THAP12: variants seen among roughly 807,000 people sequenced by gnomAD.
THAP12 encodes THAP domain containing 12.
THAP12 carries 20 observed loss-of-function variants against 63.0 expected under a neutral mutation model. That is an observed-to-expected ratio of 0.32 (90% CI 0.22 to 0.46). The LOEUF is 0.46. Ranked by LOEUF, THAP12 falls within the 20% of genes least tolerant of loss-of-function variation. THAP12 has a pLI of 1.00. For missense variants in THAP12, 568 were observed against 908.2 expected, an observed-to-expected ratio of 0.63 and a Z score of 4.81; for synonymous variants, 264 against 328.4, an observed-to-expected ratio of 0.80 and a Z score of 2.12.
intron 1 of THAP12, 40 bp from the exon 2 acceptor site, chr11:76,366,012 A>T (rs1043588483): frequency 2.6e-5 from 42 of 1,598,996 alleles, no homozygotes; most frequent in Non-Finnish European, 3.5e-5. Flanking sequence ...AAATGAGCTC[A>T]GCATTTAAAT....
intron 1 of THAP12, among the ~76,000 whole-genome samples, chr11:76,376,615 G>GTTTTTTTTTTT (rs375196452): frequency 2.3e-5 from 3 of 127,772 alleles, no homozygotes; most frequent in Non-Finnish European, 4.9e-5. Context: ...TTGTGTCTAT[G>GTTTTTTTTTTT]TTTTTTTTGT....
At chr11:76,378,219 G>C (rs1158928929) in intron 1 of THAP12, among the ~76,000 whole-genome samples, 1 of 152,166 alleles carries the variant, frequency 6.6e-6, no homozygotes, top group African/African-American at 2.4e-5. Flanking sequence ...AGGAGTTCGA[G>C]ACCAGCCTGG....
At chr11:76,366,375 A>G (rs1946630545) in intron 1 of THAP12, among the ~76,000 whole-genome samples, 3 of 152,082 alleles carry the variant, frequency 2.0e-5, no homozygotes. Flanking sequence ...ACAAAACAAC[A>G]CTGTCACTGT....
rs1233408480 is a variant in THAP12 at position 76,371,184 on chromosome 11, AGCATT to A, written c.90-5217_90-5213del. ...CTCTAACCCCTTCTCCGTGCTGCAGAGCATTTTTTAAAGCCAATTTGAGAATGTCT... is the reference window on the plus strand; with the variant it reads ...CTCTAACCCCTTCTCCGTGCTGCAGATTTTAAAGCCAATTTGAGAATGTCT... On this transcript the variant is annotated intron_variant, in intron 1 of 4. Transcript: ENST00000260045. Among the ~76,000 whole-genome samples the A allele has an allele frequency of 1.3e-3, 202 of 152,324 alleles. 1 individual carries two copies. The highest frequency in any genetic ancestry group is 4.6e-3 in the African/African-American group (191 of 41,564).
At chr11:76,355,261 T>C (rs1946553488) in intron 4 of THAP12, among the ~76,000 whole-genome samples, 1 of 152,222 alleles carries the variant, frequency 6.6e-6, no homozygotes, top group African/African-American at 2.4e-5. Flanking sequence ...AAAGAATTTA[T>C]TACATACCAC....
chr11:76,358,521 T>C (rs1798000661), intron 3 of THAP12: 2 of 152,040 alleles, frequency 1.3e-5, no homozygotes, highest in Admixed American at 6.6e-5. Flanking sequence ...AAACAGAATA[T>C]AGGTCAGGCG....
chr11:76,358,450 G>GA (rs1326042772), intron 3 of THAP12: 1 of 152,048 alleles, frequency 6.6e-6, no homozygotes, highest in African/African-American at 2.4e-5. Flanking sequence ...ATTAAAGAAT[G>GA]AAAAAAATGA....
chr11:76,359,750 C>T (rs1946585044), intron 3 of THAP12, among the ~76,000 whole-genome samples: 1 of 150,884 alleles, frequency 6.6e-6, no homozygotes, highest in Admixed American at 6.7e-5. Context: ...TTGCTGGAAA[C>T]CGGGAGGTGG....
intron 1 of THAP12, 85 bp downstream of exon 1, chr11:76,380,663 G>C: frequency 9.2e-7 from 1 of 1,091,862 alleles, no homozygotes; most frequent in Non-Finnish European, 1.2e-6. Context: ...CTCTCAGCCA[G>C]CCCGGGAGCC....
rs564212275 is a variant in THAP12 at position 76,349,972 on chromosome 11, A to G, written c.*892T>C. On this transcript the variant is annotated 3_prime_UTR_variant, in exon 5 of 5. Transcript: ENST00000260045. Reference sequence around the variant, plus strand: ...TGCCTAAGCTTTAAACAAAATTCACATTTTATTTAGATTGAAATAAACTAT... The same window carrying G: ...TGCCTAAGCTTTAAACAAAATTCACGTTTTATTTAGATTGAAATAAACTAT... The G allele has an allele frequency of 1.3e-5, 2 of 152,920 alleles. No homozygotes were observed. The highest frequency in any genetic ancestry group is 4.1e-4 in the South Asian group (2 of 4,832). 9.5% of individuals were successfully genotyped at this position (152,920 alleles called of 1,614,324 possible).
At chr11:76,373,718 CA>C (rs61579449) in intron 1 of THAP12, among the ~76,000 whole-genome samples, 5 of 142,676 alleles carry the variant, frequency 3.5e-5, no homozygotes, top group African/African-American at 7.8e-5. Flanking sequence ...TAAGACCCCT[CA>C]AAAAAAAAAA....
chr11:76,361,081 G>A lies in THAP12; in HGVS notation c.211-18C>T, dbSNP rs779731883. The A allele has an allele frequency of 4.7e-6, 7 of 1,502,688 alleles. No individual in the cohort carries two copies. The highest frequency in any genetic ancestry group is 2.8e-6 in the Non-Finnish European group (3 of 1,081,030). 93.1% of individuals were successfully genotyped at this position (1,502,688 alleles called of 1,614,324 possible). A position where few individuals can be genotyped will look rare whatever the true frequency, so the allele number is the denominator to read the frequency against. On this transcript the variant is annotated intron_variant, in intron 2 of 4. Coordinates refer to ENST00000260045, the MANE Select transcript of THAP12 (RefSeq NM_004705.4). Reference sequence around the variant, plus strand: ...TAAGGACTCTGAAAAAGAAAATTGTGTTAATTCAGAGATGGTCCTTATAAA... The same window carrying A: ...TAAGGACTCTGAAAAAGAAAATTGTATTAATTCAGAGATGGTCCTTATAAA...
intron 1 of THAP12, among the ~76,000 whole-genome samples, chr11:76,379,475 T>A (rs976386901): frequency 9.2e-5 from 14 of 152,186 alleles, no homozygotes; most frequent in African/African-American, 3.4e-4. Context: ...CACACCTTTC[T>A]GGTCTCATCT....
chr11:76,371,584 T>C (rs1946674653), intron 1 of THAP12, among the ~76,000 whole-genome samples: 1 of 152,142 alleles, frequency 6.6e-6, no homozygotes, highest in Admixed American at 6.5e-5. Flanking sequence ...ATGTCTCCCA[T>C]CTTTAAAACT....
At position 76,365,990 on chromosome 11, in the gene THAP12, A is replaced by C; in HGVS notation, c.90-18T>G. On this transcript the variant is annotated intron_variant, in intron 1 of 4. Coordinates refer to ENST00000260045, the MANE Select transcript of THAP12 (RefSeq NM_004705.4). Reference sequence around the variant, plus strand: ...TCTGGCATCTATAAATAAAACCAAAATACAATTATGAAAATGAGCTCAGCA... The same window carrying C: ...TCTGGCATCTATAAATAAAACCAAACTACAATTATGAAAATGAGCTCAGCA... The C allele has an allele frequency of 6.2e-7, 1 of 1,607,618 alleles. No homozygotes were observed. The highest frequency in any genetic ancestry group is 8.5e-7 in the Non-Finnish European group (1 of 1,178,314).
At chr11:76,367,872 ACT>A (rs1946642884) in intron 1 of THAP12, among the ~76,000 whole-genome samples, 1 of 152,192 alleles carries the variant, frequency 6.6e-6, no homozygotes, top group Non-Finnish European at 1.5e-5. Flanking sequence ...TTTTTAAAAA[ACT>A]ACACCTAAAT....
Position 76,350,137 on chromosome 11 carries a change from A to G in THAP12, c.*727T>C, listed in dbSNP as rs1329664038. ...CAGTATATAAGAGTCATGGAAAAAG[A>G]CAGAGAAAAAAAACAGACAAATCAG... On this transcript the variant is annotated 3_prime_UTR_variant, in exon 5 of 5. Coordinates refer to ENST00000260045, the MANE Select transcript of THAP12 (RefSeq NM_004705.4). 6.5e-6 allele frequency: 1 copy of G among 152,730 alleles called. No homozygotes were observed. The highest frequency in any genetic ancestry group is 1.5e-5 in the Non-Finnish European group (1 of 68,034). The allele number at this position is 152,730 out of a possible 1,614,324, so 9.5% of individuals were successfully genotyped here. A position where few individuals can be genotyped will look rare whatever the true frequency, so the allele number is the denominator to read the frequency against.
At chr11:76,355,129 A>G (rs763334127) in intron 4 of THAP12, among the ~76,000 whole-genome samples, 3 of 152,242 alleles carry the variant, frequency 2.0e-5, no homozygotes, top group Non-Finnish European at 2.9e-5. Flanking sequence ...GAAGAAAAAC[A>G]GCTTCTAGCC....
chr11:76,380,442 A>ATCCCGCGTCCGCGC (rs1946746272), intron 1 of THAP12, among the ~76,000 whole-genome samples: 1 of 152,196 alleles, frequency 6.6e-6, no homozygotes, highest in Non-Finnish European at 1.5e-5. Flanking sequence ...GTCACACAGC[A>ATCCCGCGTCCGCGC]AGTGAGCCAC....
Sources: gnomAD v4.1 joint callset for allele counts (sites outside exome capture counted in the v4.1 genomes callset) on GRCh38, gnomAD v4.1.1 for gene constraint, MANE v1.5 for transcripts, NCBI Gene and HGNC (gene_info 2026-07-23, HGNC 2026-07-21) for gene names.